Variants in CLSTN1 observed in about 807,000 individuals in gnomAD.
CLSTN1 encodes calsyntenin 1, also known as calsyntenin-1.
In CLSTN1, 28 loss-of-function variants were observed where a neutral mutation model predicts 108.3. The ratio of observed to expected loss-of-function variants is 0.26; its 90% CI spans 0.19 to 0.35. The LOEUF (loss-of-function observed/expected upper bound fraction) is 0.35. CLSTN1 is among the 10% of genes least tolerant of loss of function. The probability of loss-of-function intolerance (pLI) is 1.00; values close to 1 mark genes in which losing one functional copy is unlikely to be tolerated. For missense variants in CLSTN1, 1,157 were observed against 1,302.6 expected (o/e 0.89, Z 1.72); for synonymous variants, 524 against 534.9 (o/e 0.98, Z 0.28).
At chr1:9,752,325 T>C (rs1188274213) in intron 4 of CLSTN1, among the ~76,000 whole-genome samples, 1 of 152,080 alleles carries the variant, frequency 6.6e-6, no homozygotes, top group Non-Finnish European at 1.5e-5. Flanking sequence ...TAAAAAAAAC[T>C]GTAGGTTTCA....
chr1:9,753,477 C>G (rs1651656510), intron 4 of CLSTN1, among the ~76,000 whole-genome samples: 1 of 151,952 alleles, frequency 6.6e-6, no homozygotes, highest in South Asian at 2.1e-4. Flanking sequence ...CAGCCTACTT[C>G]CACCAGCAGT....
chr1:9,798,030 G>T (rs1196253040), intron 1 of CLSTN1, among the ~76,000 whole-genome samples: 1 of 151,286 alleles, frequency 6.6e-6, no homozygotes, highest in Non-Finnish European at 1.5e-5. Flanking sequence ...GGAGGTGGAG[G>T]TTGCAGTGAG....
In CLSTN1 at chr1:9,734,227, C is replaced by A. The variant is rs1436678905; in HGVS notation, c.2111-85G>T. On this transcript the variant is annotated intron_variant, in intron 14 of 18. Coordinates refer to ENST00000377298, the MANE Select transcript of CLSTN1 (RefSeq NM_001009566.3). The surrounding 1 kb of genome is among the most constrained non-coding windows in gnomAD (Gnocchi z 4.8). The stretch of plus-strand genomic sequence containing the variant: ...GCACACTGGATGCCCTGCCGGCTCA[C>A]CCCAAACCTACATGGCTCTCGTAAG... 2.9e-6 allele frequency: 4 copies of A among 1,364,708 alleles called. No homozygotes were observed. In the East Asian group the frequency reaches 9.2e-5, roughly 31 times the overall value. 84.5% of individuals were successfully genotyped at this position (1,364,708 alleles called of 1,614,324 possible).
chr1:9,757,476 C>T (rs2101121522), intron 2 of CLSTN1, among the ~76,000 whole-genome samples: 1 of 152,174 alleles, frequency 6.6e-6, no homozygotes, highest in East Asian at 1.9e-4. Flanking sequence ...CTCCTGACCT[C>T]ATGATCCACC....
chr1:9,747,325 A>G (rs77224329), intron 7 of CLSTN1, among the ~76,000 whole-genome samples: 4,660 of 152,170 alleles, frequency 0.031, 219 homozygotes, highest in African/African-American at 0.1. Flanking sequence ...TTATACTTAC[A>G]TGCATGGTTT....
At chr1:9,813,207 T>C (rs930218999) in intron 1 of CLSTN1, among the ~76,000 whole-genome samples, 14 of 151,540 alleles carry the variant, frequency 9.2e-5, no homozygotes, top group Admixed American at 1.3e-4. Flanking sequence ...ATATTTTTTA[T>C]AATTTTTGGG....
intron 1 of CLSTN1, among the ~76,000 whole-genome samples, chr1:9,776,078 T>C (rs1652930686): frequency 6.6e-6 from 1 of 151,852 alleles, no homozygotes; most frequent in Non-Finnish European, 1.5e-5. Context: ...GTTCAAGCAA[T>C]TCTCCTGCCT....
chr1:9,734,033 C>T lies in CLSTN1; in HGVS notation c.2220G>A (p.Met740Ile), dbSNP rs1429225476. 1 of 1,614,196 alleles carries T rather than the reference C, an allele frequency of 6.2e-7. No individual in the cohort carries two copies. The highest frequency in any genetic ancestry group is 8.5e-7 in the Non-Finnish European group (1 of 1,180,034). The change falls in exon 15 of 19, where the codon ATG (methionine) becomes ATA (isoleucine). Residue 740 changes from methionine to isoleucine, a missense_variant. By Grantham distance (10) the Met-to-Ile change is conservative. Coordinates refer to ENST00000377298, the MANE Select transcript of CLSTN1 (RefSeq NM_001009566.3). The surrounding 1 kb of genome is among the most constrained non-coding windows in gnomAD (Gnocchi z 4.8). ...NHEQESLEVD[M>I]ARLQQKGIEV... is the part of the protein sequence containing the mutation. ...CAATGCCCTTCTGCTGCAGGCGGGC[C>T]ATGTCCACCTCCAGGCTCTCCTGCT...
rs779110988 is a variant in CLSTN1, at chr1:9,743,959, C to G, written c.1281G>C (p.Leu427=). 2 of 1,614,170 alleles carry G rather than the reference C, an allele frequency of 1.2e-6. No homozygotes were observed. The highest frequency in any genetic ancestry group is 2.2e-5 in the East Asian group (1 of 44,886). ...HYSLYVHGCR[L]IFLFRQDPSE... ...AAGGATCCTGACGGAAGAGGAAGAT[C>G]AGCCGGCACCCGTGGACATAGAGGG... The change falls in exon 9 of 19, where the codon CTG becomes CTC. Residue 427 remains leucine, a synonymous_variant. Coordinates refer to ENST00000377298, the MANE Select transcript of CLSTN1 (RefSeq NM_001009566.3).
intron 3 of CLSTN1, among the ~76,000 whole-genome samples, chr1:9,756,193 C>G (rs1453839817): frequency 6.6e-6 from 1 of 152,200 alleles, no homozygotes; most frequent in Non-Finnish European, 1.5e-5. Flanking sequence ...TTCCACAATT[C>G]CAACTAATAG....
At chr1:9,765,514 T>C (rs1180700605) in intron 2 of CLSTN1, among the ~76,000 whole-genome samples, 1 of 151,196 alleles carries the variant, frequency 6.6e-6, no homozygotes, top group African/African-American at 2.4e-5. Context: ...AAACCCTGTC[T>C]CTACTAAAAA....
chr1:9,750,897 A>G (rs1271699182), intron 5 of CLSTN1, among the ~76,000 whole-genome samples: 1 of 151,848 alleles, frequency 6.6e-6, no homozygotes, highest in Non-Finnish European at 1.5e-5. Flanking sequence ...CTAAAAATAC[A>G]AACAACAACA....
At position 9,744,575 on chromosome 1, in the gene CLSTN1, G is replaced by A. The variant is rs980659551; in HGVS notation, c.1054C>T (p.Pro352Ser). 6.2e-7 allele frequency: 1 copy of A among 1,613,604 alleles called. No individual in the cohort carries two copies. Among genetic ancestry groups the A allele is most frequent in the Non-Finnish European group, 8.5e-7 (1 of 1,179,972 alleles). ...SGSLNWTMGLPTDNGHDSDQV... is the reference protein window; with the variant it reads ...SGSLNWTMGLSTDNGHDSDQV... ...TCGCTGTCGTGGCCATTGTCGGTGG[G>A]CAGGCCCATGGTCCAGTTGAGGGAT... is the stretch of plus-strand genomic sequence containing the variant. The change falls in exon 8 of 19, where the codon CCC becomes TCC. Residue 352 changes from proline (P) to serine (S), a missense_variant. Coordinates refer to ENST00000377298, the MANE Select transcript of CLSTN1 (RefSeq NM_001009566.3).
intron 1 of CLSTN1, among the ~76,000 whole-genome samples, chr1:9,812,861 A>C (rs1411187501): frequency 4.0e-5 from 6 of 151,738 alleles, no homozygotes; most frequent in East Asian, 1.9e-4. Flanking sequence ...AAAAAAAAAA[A>C]AAAACAAACA....
chr1:9,762,655 G>C (rs1652138077), intron 2 of CLSTN1, among the ~76,000 whole-genome samples: 1 of 128,104 alleles, frequency 7.8e-6, no homozygotes. Context: ...CCTGACGTTG[G>C]GTGACCTCTG....
At chr1:9,776,363 AC>A (rs1340468778) in intron 1 of CLSTN1, among the ~76,000 whole-genome samples, 3 of 151,996 alleles carry the variant, frequency 2.0e-5, no homozygotes, top group African/African-American at 7.3e-5. Context: ...TCCTAAATAA[AC>A]CCAGACCCCG....
intron 1 of CLSTN1, among the ~76,000 whole-genome samples, chr1:9,811,477 C>T (rs1654753649): frequency 6.6e-6 from 1 of 151,762 alleles, no homozygotes; most frequent in Admixed American, 6.6e-5. Flanking sequence ...AGCTCAGAAG[C>T]AAGCTCTGAC....
chr1:9,766,957 G>A lies in CLSTN1; in HGVS notation c.214+6315C>T, dbSNP rs1399262684. Among the ~76,000 whole-genome samples the A allele has an allele frequency of 3.3e-5, 5 of 152,310 alleles. No homozygotes were observed. In the East Asian group the frequency reaches 9.7e-4, roughly 29 times the overall value. ...GAGCTCTAACAAGTGAACTCCTGTG[G>A]CTACCCACACACACATGCCTTGTAG... On this transcript the variant is annotated intron_variant, in intron 2 of 18. Transcript: ENST00000377298.
rs766359703 is a variant in CLSTN1, at chr1:9,735,532, C to T, written c.1818G>A (p.Ser606=). 12 of 1,614,016 alleles carry T rather than the reference C, an allele frequency of 7.4e-6. No individual in the cohort carries two copies. The East Asian group carries it at 8.9e-5, about 12-fold the overall frequency. Residue 606 remains serine (S), a synonymous_variant, in exon 13 of 19, where the codon TCG becomes TCA. Coordinates refer to ENST00000377298, the MANE Select transcript of CLSTN1 (RefSeq NM_001009566.3). ...GELDKAMQHI[S]YLNSRQFPTP... Reference sequence around the variant, plus strand: ...TGGGGAACTGCCGGGAGTTCAGGTACGAGATGTGCTGCATGGCCTTATCCA... The same window carrying T: ...TGGGGAACTGCCGGGAGTTCAGGTATGAGATGTGCTGCATGGCCTTATCCA...
Sources: allele counts gnomAD v4.1 joint callset (sites outside exome capture counted in the v4.1 genomes callset), GRCh38; gene constraint gnomAD v4.1.1; non-coding constraint Gnocchi (gnomAD v3.1); transcripts MANE v1.5; gene names NCBI Gene and HGNC (gene_info 2026-07-23, HGNC 2026-07-21).